The following NRXN3 variants were observed in gnomAD, a reference collection of about 807,000 sequenced individuals.
The protein encoded by NRXN3 is neurexin III.
In NRXN3, 32 loss-of-function variants were observed where a neutral mutation model predicts 137.6. That is an observed-to-expected ratio of 0.23 (90% CI 0.18 to 0.31). The LOEUF (loss-of-function observed/expected upper bound fraction) is 0.31, where lower values mean the gene tolerates loss of function less well. Among genes scored for constraint, NRXN3 ranks in the 10% least tolerant of loss-of-function variants. The probability of loss-of-function intolerance (pLI) is 1.00; values close to 1 mark genes in which losing one functional copy is unlikely to be tolerated. For missense variants in NRXN3, 1,574 were observed against 2,062.5 expected, an observed-to-expected ratio of 0.76 and a Z score of 4.59; for synonymous variants, 798 against 784.5, an observed-to-expected ratio of 1.02 and a Z score of -0.29.
chr14:78,242,902 TC>T lies in NRXN3; in HGVS notation c.-191del. 1 of 518,680 alleles carries T rather than the reference TC, an allele frequency of 1.9e-6. No homozygotes were observed. The highest frequency in any genetic ancestry group is 3.4e-6 in the Non-Finnish European group (1 of 297,238). The allele number at this position is 518,680 out of a possible 1,614,324, so 32.1% of individuals were successfully genotyped here. On this transcript the variant is annotated 5_prime_UTR_variant, in exon 2 of 21. Coordinates refer to ENST00000335750, the MANE Select transcript of NRXN3 (RefSeq NM_001330195.2). Reference sequence around the variant, plus strand: ...ATTCAATTTCTTGCTTGTGTGCCCCTCTGGGACTCTCTTGTACACTTTCCTC... The same window carrying T: ...ATTCAATTTCTTGCTTGTGTGCCCCTTGGGACTCTCTTGTACACTTTCCTC...
chr14:78,170,766 A>G (rs2058644207), intron 1 of NRXN3, 92 bp downstream of exon 1: 1 of 152,138 alleles, frequency 6.6e-6, no homozygotes, highest in Non-Finnish European at 1.5e-5. Context: ...GAGAGGGTAG[A>G]AGTTTTCAGT....
At chr14:79,772,385 G>T (rs1428887537) in intron 19 of NRXN3, among the ~76,000 whole-genome samples, 1 of 151,998 alleles carries the variant, frequency 6.6e-6, no homozygotes, top group Non-Finnish European at 1.5e-5. Flanking sequence ...TATACTACAA[G>T]GCTACAGTAA....
chr14:78,284,943 C>A (rs1406457755), intron 3 of NRXN3, among the ~76,000 whole-genome samples: 1 of 152,230 alleles, frequency 6.6e-6, no homozygotes, highest in Non-Finnish European at 1.5e-5. Context: ...ACATTGCATC[C>A]TTTGCCCAAG....
chr14:79,778,496 G>A (rs11159413), intron 19 of NRXN3, among the ~76,000 whole-genome samples: 52,746 of 152,010 alleles, frequency 0.35, 9,707 homozygotes, highest in Middle Eastern at 0.45. Context: ...CCTACTACCC[G>A]GCAGCAGACT....
chr14:79,537,899 G>A (rs2097228934), intron 16 of NRXN3, among the ~76,000 whole-genome samples: 1 of 152,180 alleles, frequency 6.6e-6, no homozygotes, highest in Non-Finnish European at 1.5e-5. Flanking sequence ...CTAGTTTACA[G>A]TCCCACCAAC....
intron 6 of NRXN3, among the ~76,000 whole-genome samples, chr14:78,683,520 C>T (rs745712446): frequency 6.6e-6 from 1 of 152,060 alleles, no homozygotes; most frequent in Non-Finnish European, 1.5e-5. Flanking sequence ...ACAGAGTGCC[C>T]CAGCTTCACA....
Position 78,344,789 on chromosome 14 carries a change from C to T in NRXN3, c.757+46929C>T, listed in dbSNP as rs147600227. On this transcript the variant is annotated intron_variant, in intron 4 of 20. Transcript: ENST00000335750. ...TTCATTGCTGTATGGTTTTTTGGAC[C>T]TTCTGGGAGTGCTTGTTACAAATGC... 2.1e-4 allele frequency among the ~76,000 whole-genome samples: 32 copies of T among 152,242 alleles called. No individual in the cohort carries two copies. The East Asian group carries it at 5.8e-3, about 28-fold the overall frequency.
intron 4 of NRXN3, among the ~76,000 whole-genome samples, chr14:78,464,335 C>T (rs1329809256): frequency 2.0e-5 from 3 of 152,130 alleles, no homozygotes; most frequent in Non-Finnish European, 1.5e-5. Flanking sequence ...GGATTATAGG[C>T]GTTAGCCACT....
intron 15 of NRXN3, among the ~76,000 whole-genome samples, chr14:79,101,349 G>C (rs1192439024): frequency 6.6e-6 from 1 of 152,176 alleles, no homozygotes; most frequent in African/African-American, 2.4e-5. Context: ...AAGTTTTCCT[G>C]AAGTTTCCCC....
chr14:79,674,793 T>G (rs1426451085), intron 17 of NRXN3, among the ~76,000 whole-genome samples: 1 of 152,110 alleles, frequency 6.6e-6, no homozygotes, highest in Non-Finnish European at 1.5e-5. Flanking sequence ...CCTCAATGTT[T>G]AATTAAACTA....
At chr14:78,748,709 G>A (rs1175712126) in intron 8 of NRXN3, among the ~76,000 whole-genome samples, 1 of 152,126 alleles carries the variant, frequency 6.6e-6, no homozygotes, top group Non-Finnish European at 1.5e-5. Context: ...TGATGATTGA[G>A]CTATAGAGGA....
At chr14:78,229,197 G>A (rs922668276) in intron 1 of NRXN3, among the ~76,000 whole-genome samples, 2 of 152,068 alleles carry the variant, frequency 1.3e-5, no homozygotes, top group African/African-American at 4.8e-5. Context: ...CGTCATGGGG[G>A]AGGCTGGGAA....
intron 4 of NRXN3, among the ~76,000 whole-genome samples, chr14:78,431,687 C>T (rs960469861): frequency 2.6e-5 from 4 of 151,712 alleles, no homozygotes; most frequent in African/African-American, 9.7e-5. Flanking sequence ...CTCACGGATG[C>T]TTATGGGTTG....
intron 15 of NRXN3, among the ~76,000 whole-genome samples, chr14:79,460,285 G>A (rs796626639): frequency 6.6e-6 from 1 of 152,106 alleles, no homozygotes; most frequent in African/African-American, 2.4e-5. Context: ...AAAAGTTCCA[G>A]CCAAGCATAT....
intron 15 of NRXN3, among the ~76,000 whole-genome samples, chr14:79,152,820 A>G (rs1270057147): frequency 1.3e-5 from 2 of 152,036 alleles, no homozygotes; most frequent in Non-Finnish European, 2.9e-5. Flanking sequence ...TATCAGAGGC[A>G]CACACAATTT....
chr14:79,392,767 C>T lies in NRXN3; in HGVS notation c.3263-74454C>T, dbSNP rs564286815. ...CAGGCAGATCATGAGGTCAGGAGAT[C>T]GAGACCAGCCTGGCTAACATGATGA... On this transcript the variant is annotated intron_variant, in intron 15 of 20. Transcript: ENST00000335750. Among the ~76,000 whole-genome samples, 17 of 151,918 alleles carry T rather than the reference C, an allele frequency of 1.1e-4. No homozygotes were observed. The East Asian group carries it at 2.1e-3, about 19-fold the overall frequency.
chr14:79,706,721 G>C (rs891514567), intron 19 of NRXN3, among the ~76,000 whole-genome samples: 2 of 152,110 alleles, frequency 1.3e-5, no homozygotes, highest in African/African-American at 4.8e-5. Context: ...GAATAAATCA[G>C]TAGTTAATTT....
At chr14:79,852,563 C>T (rs1459814809) in intron 20 of NRXN3, among the ~76,000 whole-genome samples, 3 of 152,040 alleles carry the variant, frequency 2.0e-5, no homozygotes, top group African/African-American at 7.2e-5. Flanking sequence ...CTACTTACGA[C>T]GTACATCCAG....
At chr14:78,235,114 T>C (rs972499936) in intron 1 of NRXN3, among the ~76,000 whole-genome samples, 1 of 151,116 alleles carries the variant, frequency 6.6e-6, no homozygotes, top group African/African-American at 2.4e-5. Flanking sequence ...AAATTGTACC[T>C]TCCATCCTTA....
Sources: allele counts gnomAD v4.1 joint callset (sites outside exome capture counted in the v4.1 genomes callset), GRCh38; gene constraint gnomAD v4.1.1; transcripts MANE v1.5; gene names NCBI Gene and HGNC (gene_info 2026-07-23, HGNC 2026-07-21).